PHF21B: variants seen among roughly 807,000 people sequenced by gnomAD.
The protein encoded by PHF21B is PHD finger protein 4.
In PHF21B, 22 loss-of-function variants were observed where a neutral mutation model predicts 62.2. The ratio of observed to expected loss-of-function variants is 0.35; its 90% CI spans 0.25 to 0.51. PHF21B has a LOEUF of 0.51. Among genes scored for constraint, PHF21B ranks in the 20% least tolerant of loss-of-function variants. PHF21B has a pLI of 0.97. For missense variants in PHF21B, 701 were observed against 707.9 expected, an observed-to-expected ratio of 0.99 and a Z score of 0.11; for synonymous variants, 341 against 314.7, an observed-to-expected ratio of 1.08 and a Z score of -0.88.
At chr22:44,887,616 G>A (rs1490343314) in intron 10 of PHF21B, among the ~76,000 whole-genome samples, 2 of 151,830 alleles carry the variant, frequency 1.3e-5, no homozygotes, top group African/African-American at 2.4e-5. Context: ...TTATCCGGGT[G>A]TGGTGGTGGG....
intron 2 of PHF21B, among the ~76,000 whole-genome samples, chr22:44,993,536 C>T (rs1194940500): frequency 3.3e-5 from 5 of 152,234 alleles, no homozygotes; most frequent in African/African-American, 9.6e-5. Flanking sequence ...AACAGCGAGT[C>T]CAGAACCGCT....
intron 2 of PHF21B, among the ~76,000 whole-genome samples, chr22:44,946,994 A>G (rs564846570): frequency 9.5e-4 from 144 of 152,368 alleles, no homozygotes; most frequent in African/African-American, 3.4e-3. Flanking sequence ...GCTGCGGCCA[A>G]TTGGCATCAC....
chr22:44,980,228 T>C (rs544344195), intron 2 of PHF21B, among the ~76,000 whole-genome samples: 3 of 152,342 alleles, frequency 2.0e-5, no homozygotes, highest in Admixed American at 6.5e-5. Context: ...GGTTTCTTTC[T>C]GCAGGATGTC....
intron 5 of PHF21B, among the ~76,000 whole-genome samples, chr22:44,897,447 C>A (rs373679771): frequency 2.0e-5 from 3 of 152,026 alleles, no homozygotes; most frequent in South Asian, 2.1e-4. Flanking sequence ...CTGTTGGTGA[C>A]GGGAGTGAGG....
chr22:44,917,702 G>A (rs1473078890), intron 3 of PHF21B, among the ~76,000 whole-genome samples: 3 of 152,204 alleles, frequency 2.0e-5, no homozygotes, highest in Non-Finnish European at 2.9e-5. Context: ...GTCTGGCATC[G>A]GTGAAGGGCA....
At chr22:44,998,592 A>G (rs915278296) in intron 2 of PHF21B, among the ~76,000 whole-genome samples, 2 of 151,978 alleles carry the variant, frequency 1.3e-5, no homozygotes, top group African/African-American at 2.4e-5. Flanking sequence ...GGCGGGGGAC[A>G]TGTCCCCTCA....
At chr22:44,997,675 C>T (rs1441189794) in intron 2 of PHF21B, among the ~76,000 whole-genome samples, 1 of 152,224 alleles carries the variant, frequency 6.6e-6, no homozygotes, top group Non-Finnish European at 1.5e-5. Flanking sequence ...GGTTCATTTA[C>T]ATGTGCAGAT....
intron 5 of PHF21B, among the ~76,000 whole-genome samples, chr22:44,904,327 T>C (rs1464345496): frequency 3.3e-5 from 5 of 152,196 alleles, no homozygotes; most frequent in African/African-American, 1.2e-4. Flanking sequence ...CATCTACCTA[T>C]AATTTAACAG....
chr22:45,003,998 CAT>C (rs1324309407), intron 2 of PHF21B, among the ~76,000 whole-genome samples: 2 of 152,010 alleles, frequency 1.3e-5, no homozygotes, highest in Admixed American at 6.6e-5. Context: ...TACACACACA[CAT>C]AGTATGATTC....
At chr22:45,007,863 G>A (rs1569290424) in intron 2 of PHF21B, among the ~76,000 whole-genome samples, 1 of 151,694 alleles carries the variant, frequency 6.6e-6, no homozygotes, top group Non-Finnish European at 1.5e-5. Context: ...TGAGCTCAGC[G>A]CAACTAAGTC....
At position 44,916,771 on chromosome 22, in the gene PHF21B, A is replaced by G. The variant is rs575452730; in HGVS notation, c.214-141T>C. 3.9e-4 allele frequency: 310 copies of G among 799,562 alleles called. 2 individuals are homozygous for G. The African/African-American group carries it at 4.9e-3, about 13-fold the overall frequency. 49.5% of individuals were successfully genotyped at this position (799,562 alleles called of 1,614,324 possible). A position where few individuals can be genotyped will look rare whatever the true frequency, so the allele number is the denominator to read the frequency against. Reference sequence around the variant, plus strand: ...AGCACAGCGCCTGTCACGGCCTCACAGCAGGTGAGACCTCGACCCCAATGC... The same window carrying G: ...AGCACAGCGCCTGTCACGGCCTCACGGCAGGTGAGACCTCGACCCCAATGC... On this transcript the variant is annotated intron_variant, in intron 3 of 12. Transcript: ENST00000313237.
At chr22:44,906,177 C>G (rs2071246483) in intron 5 of PHF21B, among the ~76,000 whole-genome samples, 1 of 152,244 alleles carries the variant, frequency 6.6e-6, no homozygotes, top group African/African-American at 2.4e-5. Flanking sequence ...ATTATCCTCT[C>G]TCTCTCCACT....
chr22:44,929,525 C>T (rs1217705215), intron 2 of PHF21B, among the ~76,000 whole-genome samples: 1 of 152,252 alleles, frequency 6.6e-6, no homozygotes, highest in African/African-American at 2.4e-5. Context: ...ATGCCCGGTG[C>T]ACCTGCAACA....
At chr22:44,975,269 A>G (rs1875195258) in intron 2 of PHF21B, among the ~76,000 whole-genome samples, 1 of 152,132 alleles carries the variant, frequency 6.6e-6, no homozygotes, top group African/African-American at 2.4e-5. Context: ...CACGCCTGGG[A>G]TGAGCCCAAG....
rs571034593 is a variant in PHF21B at position 44,937,142 on chromosome 22, A to C, written c.121-16652T>G. Among the ~76,000 whole-genome samples the C allele has an allele frequency of 5.9e-5, 9 of 152,328 alleles. No individual in the cohort carries two copies. The East Asian group carries it at 1.5e-3, about 26-fold the overall frequency. ...CGGCCTCCCAAACTGCTGGGATTAC[A>C]GGCATGAACCACCGCACCCGGCTGA... On this transcript the variant is annotated intron_variant, in intron 2 of 12. Coordinates refer to ENST00000313237, the MANE Select transcript of PHF21B (RefSeq NM_138415.5).
Position 44,970,075 on chromosome 22 carries a change from G to A in PHF21B, c.120+38470C>T, listed in dbSNP as rs117908424. The stretch of plus-strand genomic sequence containing the variant: ...CAGCTCCACGCTAGCACTGGCACTC[G>A]GGGAAGCCAGAGCCCAGGGAGGCTG... On this transcript the variant is annotated intron_variant, in intron 2 of 12. Coordinates refer to ENST00000313237, the MANE Select transcript of PHF21B (RefSeq NM_138415.5). Among the ~76,000 whole-genome samples, 1,189 of 152,350 alleles carry A rather than the reference G, an allele frequency of 7.8e-3. 15 individuals are homozygous for A. The highest frequency in any genetic ancestry group is 0.046 in the East Asian group (240 of 5,180).
At chr22:44,913,034 G>A (rs2071372209) in intron 5 of PHF21B, among the ~76,000 whole-genome samples, 2 of 152,340 alleles carry the variant, frequency 1.3e-5, no homozygotes, top group South Asian at 4.1e-4. Flanking sequence ...GCCACCACCA[G>A]TTCAGCAAAG....
intron 2 of PHF21B, among the ~76,000 whole-genome samples, chr22:44,990,912 G>A (rs1374205936): frequency 1.3e-5 from 2 of 152,216 alleles, no homozygotes; most frequent in African/African-American, 2.4e-5. Flanking sequence ...AAAGGCAGGA[G>A]TCGCTAACTG....
intron 5 of PHF21B, among the ~76,000 whole-genome samples, chr22:44,909,296 A>C (rs1157204786): frequency 6.6e-6 from 1 of 152,246 alleles, no homozygotes; most frequent in Non-Finnish European, 1.5e-5. Context: ...TCCACCCAGA[A>C]TACCTTCCCC....
Sources: allele counts gnomAD v4.1 joint callset (sites outside exome capture counted in the v4.1 genomes callset), GRCh38; gene constraint gnomAD v4.1.1; transcripts MANE v1.5; gene names NCBI Gene and HGNC (gene_info 2026-07-23, HGNC 2026-07-21).